Variants in CBLB observed in about 807,000 individuals in gnomAD.
The protein encoded by CBLB is E3 ubiquitin-protein ligase CBL-B.
CBLB carries 31 observed loss-of-function variants against 104.9 expected under a neutral mutation model. That is an observed-to-expected ratio of 0.30 (90% CI 0.22 to 0.40). The LOEUF (loss-of-function observed/expected upper bound fraction) is 0.40. Ranked by LOEUF, CBLB falls within the 10% of genes least tolerant of loss-of-function variation. CBLB has a pLI of 1.00. For missense variants in CBLB, 1,062 were observed against 1,214.6 expected, an observed-to-expected ratio of 0.87 and a Z score of 1.87; for synonymous variants, 440 against 422.6, an observed-to-expected ratio of 1.04 and a Z score of -0.51.
intron 3 of CBLB, among the ~76,000 whole-genome samples, chr3:105,824,927 T>TAC (rs1223873378): frequency 6.6e-6 from 1 of 152,212 alleles, no homozygotes; most frequent in Non-Finnish European, 1.5e-5. Context: ...GAGAGCCATA[T>TAC]ACACAATCCT....
intron 6 of CBLB, among the ~76,000 whole-genome samples, 157 bp from the exon 7 acceptor site, chr3:105,740,788 T>C (rs1430777935): frequency 6.6e-6 from 1 of 152,230 alleles, no homozygotes; most frequent in East Asian, 1.9e-4. Flanking sequence ...AGCAACAATG[T>C]ACTTCTCCAT....
chr3:105,711,317 G>A (rs544990825), intron 10 of CBLB, among the ~76,000 whole-genome samples: 61 of 144,484 alleles, frequency 4.2e-4, no homozygotes, highest in Admixed American at 1.6e-3. Flanking sequence ...CTATAAATGC[G>A]TGAAAATTAA....
chr3:105,819,325 AAAAATGCG>A (rs113018590), intron 3 of CBLB, among the ~76,000 whole-genome samples: 170 of 152,220 alleles, frequency 1.1e-3, no homozygotes, highest in African/African-American at 3.9e-3. Context: ...TGTCTCCAAT[AAAAATGCG>A]AAAATTAGCC....
chr3:105,801,154 G>A (rs1279528528), intron 3 of CBLB, among the ~76,000 whole-genome samples: 1 of 152,130 alleles, frequency 6.6e-6, no homozygotes, highest in Non-Finnish European at 1.5e-5. Context: ...ACTGTGGGCT[G>A]AAATATTGGC....
rs560660471 is a variant in CBLB at position 105,853,587 on chromosome 3, A to G, written c.246T>C (p.Tyr82=). ...TACTCAATATAAGTCGTAAATGCTG[A>G]TATGTATCAGGCAAAATATCAAGTA... is the stretch of plus-strand genomic sequence containing the variant. ...PYILDILPDT[Y]QHLRLILSKY... The change falls in exon 3 of 19, where the codon TAT becomes TAC. Residue 82 remains tyrosine, a synonymous_variant. Transcript: ENST00000394030. 3.1e-6 allele frequency: 5 copies of G among 1,612,076 alleles called. No homozygotes were observed. In the South Asian group the frequency reaches 4.4e-5, roughly 14 times the overall value.
chr3:105,789,535 C>T (rs1243263841), intron 3 of CBLB, among the ~76,000 whole-genome samples: 1 of 152,114 alleles, frequency 6.6e-6, no homozygotes, highest in East Asian at 1.9e-4. Flanking sequence ...TAGATAACCA[C>T]ACAATGAACT....
At chr3:105,845,814 T>C (rs2090174666) in intron 3 of CBLB, among the ~76,000 whole-genome samples, 1 of 152,150 alleles carries the variant, frequency 6.6e-6, no homozygotes, top group Non-Finnish European at 1.5e-5. Flanking sequence ...TTCCAAACTT[T>C]AGAAAAGTCT....
chr3:105,742,212 C>T (rs762540716), intron 6 of CBLB, among the ~76,000 whole-genome samples: 9 of 152,064 alleles, frequency 5.9e-5, no homozygotes, highest in South Asian at 2.1e-4. Flanking sequence ...TTTTAATATT[C>T]GAGCTGCTGT....
chr3:105,747,593 C>T (rs763374107), intron 5 of CBLB, among the ~76,000 whole-genome samples: 1 of 152,070 alleles, frequency 6.6e-6, no homozygotes, highest in African/African-American at 2.4e-5. Context: ...GAAAAAAATG[C>T]ATGTTTTTAA....
chr3:105,735,284 A>T (rs1014997087), intron 8 of CBLB, among the ~76,000 whole-genome samples: 1 of 152,194 alleles, frequency 6.6e-6, no homozygotes, highest in African/African-American at 2.4e-5. Flanking sequence ...TTTGTGGGGA[A>T]CTTAAGGAAA....
chr3:105,852,548 T>A (rs1463017929), intron 3 of CBLB, among the ~76,000 whole-genome samples: 1 of 152,192 alleles, frequency 6.6e-6, no homozygotes, highest in African/African-American at 2.4e-5. Context: ...AGTAGGCTGT[T>A]CATATTGGAA....
At chr3:105,811,152 G>T (rs2084241018) in intron 3 of CBLB, among the ~76,000 whole-genome samples, 2 of 151,988 alleles carry the variant, frequency 1.3e-5, no homozygotes, top group Admixed American at 6.6e-5. Context: ...AGTCCTGCTG[G>T]GCAAAAACAA....
At chr3:105,829,502 T>A (rs562307184) in intron 3 of CBLB, among the ~76,000 whole-genome samples, 3 of 151,508 alleles carry the variant, frequency 2.0e-5, no homozygotes, top group Non-Finnish European at 2.9e-5. Flanking sequence ...CTACAAAAAA[T>A]TTAAAAATCA....
At chr3:105,754,533 G>GAC (rs1355348133) in intron 4 of CBLB, among the ~76,000 whole-genome samples, 151 of 129,384 alleles carry the variant, frequency 1.2e-3, no homozygotes, top group East Asian at 2.3e-3. Context: ...CAGAGAGAGA[G>GAC]AGAGAGAGAG....
chr3:105,789,268 T>C (rs1472732211), intron 3 of CBLB, among the ~76,000 whole-genome samples: 1 of 152,202 alleles, frequency 6.6e-6, no homozygotes, highest in Non-Finnish European at 1.5e-5. Context: ...TAGGGCTCTT[T>C]TCTCTCTGAG....
chr3:105,684,914 T>A (rs1188391107), intron 14 of CBLB, among the ~76,000 whole-genome samples: 4 of 152,192 alleles, frequency 2.6e-5, no homozygotes, highest in African/African-American at 9.7e-5. Flanking sequence ...AAACAAAAAG[T>A]TAAGAGAAAC....
intron 3 of CBLB, among the ~76,000 whole-genome samples, chr3:105,803,395 T>C (rs990609646): frequency 3.3e-5 from 5 of 152,240 alleles, no homozygotes; most frequent in Non-Finnish European, 7.3e-5. Context: ...CTATTTCCTA[T>C]TAAATACGGC....
intron 3 of CBLB, among the ~76,000 whole-genome samples, chr3:105,831,443 C>G (rs1164409580): frequency 6.6e-6 from 1 of 152,220 alleles, no homozygotes; most frequent in Non-Finnish European, 1.5e-5. Context: ...AAATTGTGAG[C>G]TTCCCTCAAG....
Position 105,773,223 on chromosome 3 carries a change from A to G in CBLB, c.566+3173T>C, listed in dbSNP as rs74475583. 3.7e-4 allele frequency among the ~76,000 whole-genome samples: 56 copies of G among 152,330 alleles called. 1 individual carries two copies. In the East Asian group the frequency reaches 9.8e-3, roughly 27 times the overall value. ...ACTCAGCCATAAGAAGGAATGAAAT[A>G]ATGTCTTTTGCAGCAACTTGGATGG... is the stretch of plus-strand genomic sequence containing the variant. On this transcript the variant is annotated intron_variant, in intron 4 of 18. Transcript: ENST00000394030.
Sources: allele counts gnomAD v4.1 joint callset (sites outside exome capture counted in the v4.1 genomes callset), GRCh38; gene constraint gnomAD v4.1.1; transcripts MANE v1.5; gene names NCBI Gene and HGNC (gene_info 2026-07-23, HGNC 2026-07-21).